BABAM2: variants seen among roughly 807,000 people sequenced by gnomAD.
The protein encoded by BABAM2 is BRISC and BRCA1-A complex member 2.
In BABAM2, 31 loss-of-function variants were observed where a neutral mutation model predicts 54.7. That is an observed-to-expected ratio of 0.57 (90% CI 0.43 to 0.77). The LOEUF is 0.77. BABAM2 is among the 30% of genes least tolerant of loss of function. BABAM2 has a pLI of 0.00. For missense variants in BABAM2, 364 were observed against 455.8 expected (o/e 0.80, Z 1.83); for synonymous variants, 167 against 162.9 (o/e 1.03, Z -0.19).
At chr2:28,274,075 T>C (rs1685667161) in intron 10 of BABAM2, among the ~76,000 whole-genome samples, 1 of 152,236 alleles carries the variant, frequency 6.6e-6, no homozygotes, top group African/African-American at 2.4e-5. Flanking sequence ...GGTTTGTCTG[T>C]GGCTCTTGGG....
chr2:27,934,324 A>G (rs1228035478), intron 3 of BABAM2, among the ~76,000 whole-genome samples: 1 of 152,132 alleles, frequency 6.6e-6, no homozygotes, highest in African/African-American at 2.4e-5. Flanking sequence ...GAATGTTACT[A>G]TTGTCATTGT....
chr2:28,293,608 C>T (rs1301679020), intron 10 of BABAM2, among the ~76,000 whole-genome samples: 1 of 152,202 alleles, frequency 6.6e-6, no homozygotes, highest in Non-Finnish European at 1.5e-5. Flanking sequence ...ATTCTTCCTC[C>T]CTTCCCCCAG....
At chr2:28,194,265 T>G (rs1677256674) in intron 7 of BABAM2, among the ~76,000 whole-genome samples, 1 of 152,104 alleles carries the variant, frequency 6.6e-6, no homozygotes, top group Admixed American at 6.5e-5. Context: ...CCTATAGTTT[T>G]AAGCAGGAAA....
At chr2:28,337,486 C>T (rs561999571) in intron 11 of BABAM2, among the ~76,000 whole-genome samples, 112 of 152,138 alleles carry the variant, frequency 7.4e-4, no homozygotes, top group African/African-American at 2.4e-3. Flanking sequence ...AGTGTGGGCT[C>T]GGCGGGTGCA....
At chr2:28,201,651 A>C (rs1319955054) in intron 7 of BABAM2, among the ~76,000 whole-genome samples, 3 of 152,176 alleles carry the variant, frequency 2.0e-5, no homozygotes, top group African/African-American at 7.2e-5. Context: ...GGAAAGAAAA[A>C]AATGAAGAAC....
chr2:27,929,784 T>C lies in BABAM2; in HGVS notation c.129-48T>C, dbSNP rs1344592526. On this transcript the variant is annotated intron_variant, in intron 2 of 11. Coordinates refer to ENST00000379624, the MANE Select transcript of BABAM2 (RefSeq NM_199191.3). The stretch of plus-strand genomic sequence containing the variant: ...TCATAAACATGTGGGTTTTTAAAGT[T>C]TGTTTTTAAAAAATCTTTTCTTTCT... The C allele has an allele frequency of 1.9e-6, 3 of 1,543,140 alleles. No individual in the cohort carries two copies. The African/African-American group carries it at 4.1e-5, about 21-fold the overall frequency.
chr2:27,915,301 A>G (rs1170746736), intron 2 of BABAM2, among the ~76,000 whole-genome samples: 1 of 152,088 alleles, frequency 6.6e-6, no homozygotes, highest in Non-Finnish European at 1.5e-5. Flanking sequence ...TGGTTTTGCA[A>G]TTTGTACTTT....
chr2:28,219,214 T>C (rs546620736), intron 7 of BABAM2, among the ~76,000 whole-genome samples: 1 of 152,328 alleles, frequency 6.6e-6, no homozygotes, highest in South Asian at 2.1e-4. Context: ...TTCAGTCCCT[T>C]GCAGTCACAG....
At chr2:28,279,960 G>A (rs911271583) in intron 10 of BABAM2, among the ~76,000 whole-genome samples, 4 of 152,062 alleles carry the variant, frequency 2.6e-5, no homozygotes, top group East Asian at 1.9e-4. Flanking sequence ...GAGCCACCAC[G>A]CCCGGCAGAG....
At chr2:27,961,234 A>G (rs776913583) in intron 3 of BABAM2, among the ~76,000 whole-genome samples, 2 of 152,152 alleles carry the variant, frequency 1.3e-5, no homozygotes, top group Non-Finnish European at 2.9e-5. Flanking sequence ...TTATTTTGCT[A>G]TATGTGTTTT....
At chr2:27,955,981 G>T (rs1670051346) in intron 3 of BABAM2, among the ~76,000 whole-genome samples, 2 of 149,542 alleles carry the variant, frequency 1.3e-5, no homozygotes, top group African/African-American at 2.5e-5. Flanking sequence ...TTGGCAACAT[G>T]TTTTTTTTTT....
chr2:28,058,733 G>C (rs1678629085), intron 6 of BABAM2, among the ~76,000 whole-genome samples: 1 of 152,130 alleles, frequency 6.6e-6, no homozygotes, highest in African/African-American at 2.4e-5. Context: ...ACAGCATTGA[G>C]AGCGTTTAGA....
At chr2:28,290,811 G>GTGTT (rs1482780986) in intron 10 of BABAM2, among the ~76,000 whole-genome samples, 2 of 152,176 alleles carry the variant, frequency 1.3e-5, no homozygotes, top group Non-Finnish European at 2.9e-5. Flanking sequence ...ACTTGTTAAT[G>GTGTT]TGTTCTCTGT....
intron 6 of BABAM2, among the ~76,000 whole-genome samples, chr2:28,083,340 C>T (rs958781705): frequency 1.3e-5 from 2 of 152,156 alleles, no homozygotes; most frequent in Admixed American, 6.6e-5. Flanking sequence ...CTCCTAATCA[C>T]GTTCTTTGTC....
At chr2:27,943,755 C>T (rs1178992452) in intron 3 of BABAM2, among the ~76,000 whole-genome samples, 1 of 152,150 alleles carries the variant, frequency 6.6e-6, no homozygotes, top group Non-Finnish European at 1.5e-5. Flanking sequence ...TAAAAAGATT[C>T]ATTTACTTAA....
At chr2:27,944,715 G>A (rs1017269719) in intron 3 of BABAM2, among the ~76,000 whole-genome samples, 1 of 152,008 alleles carries the variant, frequency 6.6e-6, no homozygotes, top group East Asian at 1.9e-4. Flanking sequence ...TTCTGGAGAT[G>A]TGTTTTAATT....
chr2:28,181,310 A>G (rs1675601482), intron 7 of BABAM2, among the ~76,000 whole-genome samples: 1 of 152,204 alleles, frequency 6.6e-6, no homozygotes, highest in Non-Finnish European at 1.5e-5. Context: ...AAAGAGTGAA[A>G]TTCTGTCATA....
At chr2:28,026,283 G>C (rs1675653274) in intron 5 of BABAM2, among the ~76,000 whole-genome samples, 1 of 152,118 alleles carries the variant, frequency 6.6e-6, no homozygotes, top group Non-Finnish European at 1.5e-5. Flanking sequence ...ACATGTACAC[G>C]TATGTTTATT....
chr2:28,064,187 CA>C (rs1284500418), intron 6 of BABAM2, among the ~76,000 whole-genome samples: 2 of 152,218 alleles, frequency 1.3e-5, no homozygotes, highest in Non-Finnish European at 2.9e-5. Flanking sequence ...CAACAAATCT[CA>C]CCTCCCTTTC....
Sources: allele counts gnomAD v4.1 joint callset (sites outside exome capture counted in the v4.1 genomes callset), GRCh38; gene constraint gnomAD v4.1.1; transcripts MANE v1.5; gene names NCBI Gene and HGNC (gene_info 2026-07-23, HGNC 2026-07-21).